The following UGGT2 variants were observed in gnomAD, a reference collection of about 807,000 sequenced individuals.
The protein encoded by UGGT2 is UDP-glucose glycoprotein glucosyltransferase 2.
A neutral mutation model predicts 192.1 loss-of-function variants in UGGT2; 180 were observed. The observed-to-expected ratio is 0.94, with a 90% confidence interval of 0.83 to 1.06. UGGT2 has a LOEUF of 1.06. UGGT2 is among the 50% of genes least tolerant of loss of function. UGGT2 has a pLI of 0.00. For synonymous variants in UGGT2, 580 were observed against 591.0 expected (o/e 0.98, Z 0.27); for missense variants, 1,849 against 1,795.7 (o/e 1.03, Z -0.54).
At chr13:96,052,687 G>C (rs964197738) in intron 1 of UGGT2, among the ~76,000 whole-genome samples, 5 of 152,206 alleles carry the variant, frequency 3.3e-5, no homozygotes, top group Non-Finnish European at 7.3e-5. Context: ...CAGAGTAAAT[G>C]ACAGGTCATG....
intron 26 of UGGT2, among the ~76,000 whole-genome samples, chr13:95,885,796 A>G (rs2047629040): frequency 6.6e-6 from 1 of 152,236 alleles, no homozygotes; most frequent in African/African-American, 2.4e-5. Flanking sequence ...GAATGTAGTG[A>G]GTAGCAATTT....
chr13:95,890,923 T>G lies in UGGT2; in HGVS notation c.2897A>C (p.Asn966Thr). The change falls in exon 25 of 39, where the codon AAT becomes ACT. Residue 966 changes from asparagine to threonine, a missense_variant. Physicochemically the swap from Asn to Thr is moderately conservative, Grantham distance 65. Transcript: ENST00000376747. ...TAATGGATCAACAATAGCAATGACA[T>G]TGAAGAACATATCATTCTCTTGAGG... ...TNPQENDMFF[N>T]VIAIVDPLTR... The G allele has an allele frequency of 6.2e-7, 1 of 1,612,868 alleles. No individual in the cohort carries two copies. Among genetic ancestry groups the G allele is most frequent in the Non-Finnish European group, 8.5e-7 (1 of 1,179,376 alleles).
chr13:96,031,742 T>C, intron 2 of UGGT2, 147 bp downstream of exon 2: 1 of 570,916 alleles, frequency 1.8e-6, no homozygotes, highest in Non-Finnish European at 2.9e-6. Context: ...GAATGGTTTC[T>C]ATTAAAACAT....
chr13:95,921,734 T>C (rs960859819), intron 20 of UGGT2, among the ~76,000 whole-genome samples: 4 of 152,010 alleles, frequency 2.6e-5, no homozygotes, highest in African/African-American at 9.7e-5. Context: ...TGAGATACCA[T>C]CTCATACCAG....
chr13:96,013,309 G>C lies in UGGT2; in HGVS notation c.658C>G (p.Gln220Glu). The C allele has an allele frequency of 6.3e-7, 1 of 1,579,530 alleles. No individual in the cohort carries two copies. ...EILYVLRHYI[Q>E]KPSSRKMYLS... is the part of the protein sequence containing the mutation. ...CCTTGGAAAAAACAAGCGCATACCT[G>C]AATATAATGGCGAAGAACATACAGA... The change falls in exon 5 of 39, where the codon CAG (glutamine) becomes GAG (glutamate). Residue 220 changes from glutamine (Q) to glutamate (E), a missense_variant and splice_region_variant. Coordinates refer to ENST00000376747, the MANE Select transcript of UGGT2 (RefSeq NM_020121.4).
Position 95,903,041 on chromosome 13 carries a change from C to CGACT in UGGT2, c.2311_2314dup (p.Arg772GlnfsTer8). 2 of 1,611,074 alleles carry CGACT rather than the reference C, an allele frequency of 1.2e-6. No individual in the cohort carries two copies. The highest frequency in any genetic ancestry group is 1.7e-6 in the Non-Finnish European group (2 of 1,179,170). On this transcript the variant is annotated frameshift_variant, in exon 21 of 39. Transcript: ENST00000376747. LOFTEE classifies it high-confidence loss of function. ...TGTAGGATTATAAATAATCCCCAAC[C>CGACT]GACTATGAACACTTGTTTTCTGCAA...
chr13:95,878,221 T>A (rs537391339), intron 27 of UGGT2, among the ~76,000 whole-genome samples: 1 of 152,072 alleles, frequency 6.6e-6, no homozygotes, highest in African/African-American at 2.4e-5. Context: ...TAACTTACTA[T>A]CTATTGGCTT....
intron 1 of UGGT2, among the ~76,000 whole-genome samples, chr13:96,051,609 T>C (rs2053487961): frequency 1.3e-5 from 2 of 150,284 alleles, no homozygotes; most frequent in Non-Finnish European, 3.0e-5. Flanking sequence ...AGGATTAATA[T>C]CCAGAATCTA....
intron 17 of UGGT2, among the ~76,000 whole-genome samples, chr13:95,932,923 G>T (rs568499814): frequency 4.6e-5 from 7 of 152,160 alleles, no homozygotes; most frequent in Non-Finnish European, 1.0e-4. Flanking sequence ...ACCTTTCTCA[G>T]GAGTGAAGCC....
chr13:95,997,640 T>C lies in UGGT2; in HGVS notation c.758-1505A>G, dbSNP rs566369414. Among the ~76,000 whole-genome samples the C allele has an allele frequency of 2.7e-5, 4 of 150,418 alleles. No homozygotes were observed. The South Asian group carries it at 8.3e-4, about 31-fold the overall frequency. ...CCTGGGTGACAGAGCAATGATTCCA[T>C]CTCAGGAAAAAAAAGAAAAAGATGT... On this transcript the variant is annotated intron_variant, in intron 6 of 38. Coordinates refer to ENST00000376747, the MANE Select transcript of UGGT2 (RefSeq NM_020121.4).
chr13:96,012,526 CA>C (rs1342361167), intron 5 of UGGT2, among the ~76,000 whole-genome samples: 1 of 151,870 alleles, frequency 6.6e-6, no homozygotes, highest in Non-Finnish European at 1.5e-5. Flanking sequence ...ATATTAAAAA[CA>C]CCTATAAACC....
At chr13:96,029,498 C>T (rs1436645721) in intron 2 of UGGT2, among the ~76,000 whole-genome samples, 1 of 152,006 alleles carries the variant, frequency 6.6e-6, no homozygotes, top group Non-Finnish European at 1.5e-5. Flanking sequence ...GTTGGCCAGG[C>T]TGGTCTCGAA....
intron 36 of UGGT2, among the ~76,000 whole-genome samples, chr13:95,851,610 C>T (rs1238933745): frequency 6.6e-6 from 1 of 152,068 alleles, no homozygotes; most frequent in African/African-American, 2.4e-5. Context: ...TGAAAACATC[C>T]GTGCTGCAAA....
intron 1 of UGGT2, among the ~76,000 whole-genome samples, chr13:96,046,854 C>T (rs1209874892): frequency 1.3e-5 from 2 of 152,206 alleles, no homozygotes; most frequent in East Asian, 1.9e-4. Flanking sequence ...CCCATGTCCA[C>T]GGAGCCTCCC....
chr13:95,911,745 A>G (rs1202858641), intron 20 of UGGT2, among the ~76,000 whole-genome samples: 2 of 152,186 alleles, frequency 1.3e-5, no homozygotes, highest in Non-Finnish European at 2.9e-5. Context: ...TGAGGCCAAT[A>G]TCATCCTGAC....
At chr13:95,927,183 C>A (rs543749157) in intron 18 of UGGT2, 30 bp downstream of exon 18, 2 of 1,608,366 alleles carry the variant, frequency 1.2e-6, no homozygotes, top group Middle Eastern at 1.7e-4. Flanking sequence ...ACTCAATAAA[C>A]ATTTGTAGAA....
In UGGT2 at chr13:95,952,717, T is replaced by C. The variant is rs909013857; in HGVS notation, c.1336-3263A>G. The stretch of plus-strand genomic sequence containing the variant: ...GAGTTTGTGGGTTTTTTCCCTTCTA[T>C]GAAGATAATATGAAAATCATAGCTT... On this transcript the variant is annotated intron_variant, in intron 12 of 38. Coordinates refer to ENST00000376747, the MANE Select transcript of UGGT2 (RefSeq NM_020121.4). Among the ~76,000 whole-genome samples the C allele has an allele frequency of 4.6e-5, 7 of 152,148 alleles. No individual in the cohort carries two copies. In the South Asian group the frequency reaches 1.2e-3, roughly 27 times the overall value.
Position 95,892,704 on chromosome 13 carries a change from C to G in UGGT2, c.2856-1740G>C, listed in dbSNP as rs145957502. 4.7e-3 allele frequency among the ~76,000 whole-genome samples: 711 copies of G among 152,248 alleles called. 5 individuals carry two copies. Among genetic ancestry groups the G allele is most frequent in the African/African-American group, 0.017 (686 of 41,564 alleles). On this transcript the variant is annotated intron_variant, in intron 24 of 38. Coordinates refer to ENST00000376747, the MANE Select transcript of UGGT2 (RefSeq NM_020121.4). ...AACACTGTTCATTATATAGCATCCT[C>G]TTTATAAAGGCTCCCGGGAGAAATT...
chr13:95,978,809 G>C (rs1209889947), intron 10 of UGGT2, among the ~76,000 whole-genome samples: 1 of 152,074 alleles, frequency 6.6e-6, no homozygotes, highest in Non-Finnish European at 1.5e-5. Flanking sequence ...TAAGGAATAA[G>C]ACAAGATAAG....
Sources: gnomAD v4.1 joint callset for allele counts (sites outside exome capture counted in the v4.1 genomes callset) on GRCh38, gnomAD v4.1.1 for gene constraint, MANE v1.5 for transcripts, NCBI Gene and HGNC (gene_info 2026-07-23, HGNC 2026-07-21) for gene names.